GRAMD2B: variants seen among roughly 807,000 people sequenced by gnomAD.
The protein encoded by GRAMD2B is GRAM domain containing 2B, also known as GRAM domain-containing protein 2B.
Under a neutral mutation model 59.2 loss-of-function variants are expected in GRAMD2B, and 41 were observed. That is an observed-to-expected ratio of 0.69 (90% CI 0.54 to 0.90). The LOEUF (loss-of-function observed/expected upper bound fraction) is 0.90. Among genes scored for constraint, GRAMD2B ranks in the 40% least tolerant of loss-of-function variants. The probability of loss-of-function intolerance (pLI) is 0.00; values close to 1 mark genes in which losing one functional copy is unlikely to be tolerated. For missense variants in GRAMD2B, 424 were observed against 500.5 expected (o/e 0.85, Z 1.46); for synonymous variants, 161 against 182.7 (o/e 0.88, Z 0.96).
Position 126,423,818 on chromosome 5 carries a change from T to G in GRAMD2B, c.83+129T>G, listed in dbSNP as rs1174009494. On this transcript the variant is annotated intron_variant, in intron 1 of 13. Transcript: ENST00000285689. ...CTATATGGACAATCTTGTGGCGCGC[T>G]CTCTCTGTCTCTCACTCTCTCTCTC... 4 of 730,778 alleles carry G rather than the reference T, an allele frequency of 5.5e-6. No individual in the cohort carries two copies. In the South Asian group the frequency reaches 8.4e-5, roughly 15 times the overall value. 45.3% of individuals were successfully genotyped at this position (730,778 alleles called of 1,614,324 possible). A position where few individuals can be genotyped will look rare whatever the true frequency, so the allele number is the denominator to read the frequency against.
intron 1 of GRAMD2B, among the ~76,000 whole-genome samples, chr5:126,373,093 G>A (rs1754901977): frequency 6.6e-6 from 1 of 152,056 alleles, no homozygotes; most frequent in South Asian, 2.1e-4. Flanking sequence ...GCATATTTGA[G>A]TATTCAATAT....
At chr5:126,372,424 A>C (rs1269421532) in intron 1 of GRAMD2B, among the ~76,000 whole-genome samples, 1 of 152,140 alleles carries the variant, frequency 6.6e-6, no homozygotes, top group Non-Finnish European at 1.5e-5. Flanking sequence ...TTCTTTTTTA[A>C]ATGGTTTTAA....
Position 126,378,927 on chromosome 5 carries a change from G to A in GRAMD2B, c.125+7360G>A, listed in dbSNP as rs1027589914. Among the ~76,000 whole-genome samples, 7 of 151,836 alleles carry A rather than the reference G, an allele frequency of 4.6e-5. 1 individual carries two copies. Among genetic ancestry groups the A allele is most frequent in the South Asian group, 4.2e-4 (2 of 4,818 alleles). ...TGACTCACTTTTTTTATTTCAGTAC[G>A]TTTTTGGGAAACAGGTAGTGTTTGG... is the stretch of plus-strand genomic sequence containing the variant. On this transcript the variant is annotated intron_variant, in intron 1 of 8. Coordinates refer to the GRAMD2B transcript ENST00000506445.
intron 1 of GRAMD2B, among the ~76,000 whole-genome samples, chr5:126,380,711 TG>T: frequency 6.6e-6 from 1 of 152,216 alleles, no homozygotes; most frequent in East Asian, 1.9e-4. Context: ...TGGTCGCTGT[TG>T]GTATATAGCA....
intron 1 of GRAMD2B, among the ~76,000 whole-genome samples, chr5:126,376,367 A>G (rs1465964566): frequency 6.6e-6 from 1 of 152,192 alleles, no homozygotes; most frequent in South Asian, 2.1e-4. Context: ...TTGGTGTCCA[A>G]GGCAGCCCCA....
chr5:126,474,303 T>C (rs1770161461), intron 5 of GRAMD2B, among the ~76,000 whole-genome samples: 1 of 152,228 alleles, frequency 6.6e-6, no homozygotes, highest in African/African-American at 2.4e-5. Flanking sequence ...ATATTCTCTC[T>C]AAAACCACTG....
chr5:126,428,265 T>C (rs1337322482), intron 1 of GRAMD2B, among the ~76,000 whole-genome samples: 2 of 152,168 alleles, frequency 1.3e-5, no homozygotes, highest in Non-Finnish European at 1.5e-5. Context: ...GAAAGAATGA[T>C]GTATAACATG....
intron 1 of GRAMD2B, among the ~76,000 whole-genome samples, chr5:126,383,589 A>T (rs143397697): frequency 0.014 from 2,060 of 152,250 alleles, 27 homozygotes; most frequent in Admixed American, 0.026. Flanking sequence ...CATTACTTAG[A>T]TGAAGTAAGC....
chr5:126,362,690 T>C (rs1271722183), intron 1 of GRAMD2B, among the ~76,000 whole-genome samples: 1 of 152,198 alleles, frequency 6.6e-6, no homozygotes, highest in Non-Finnish European at 1.5e-5. Flanking sequence ...AACACTAACA[T>C]TTATGGTTAA....
At chr5:126,445,684 C>T (rs1224875962) in intron 1 of GRAMD2B, 1 of 152,192 alleles carries the variant, frequency 6.6e-6, no homozygotes, top group Non-Finnish European at 1.5e-5. Context: ...CAGCCTGAGG[C>T]ACAGACAGGA....
intron 1 of GRAMD2B, among the ~76,000 whole-genome samples, chr5:126,441,598 C>T (rs138082187): frequency 2.3e-4 from 35 of 152,310 alleles, no homozygotes; most frequent in African/African-American, 8.4e-4. Flanking sequence ...TTTATTTAGG[C>T]CATTTGATCA....
chr5:126,473,507 C>T (rs2126844739), intron 5 of GRAMD2B, 139 bp downstream of exon 5: 1 of 426,950 alleles, frequency 2.3e-6, no homozygotes, highest in Non-Finnish European at 4.2e-6. Context: ...TGTTGTAATT[C>T]CAAATACTAT....
intron 12 of GRAMD2B, 129 bp from the exon 13 acceptor site, chr5:126,488,670 T>C: frequency 1.6e-6 from 1 of 611,514 alleles, no homozygotes; most frequent in South Asian, 2.3e-5. Context: ...TTGTCTAATA[T>C]TAACAAATGA....
At chr5:126,423,228 C>T (rs1759943642), upstream of GRAMD2B, 3 of 1,062,050 alleles carry the variant, frequency 2.8e-6, no homozygotes, top group Admixed American at 1.2e-4. Context: ...GGAGGCTAAA[C>T]AGATTGTGCC....
At chr5:126,423,346 G>T, upstream of GRAMD2B, 10 of 1,315,958 alleles carry the variant, frequency 7.6e-6, no homozygotes, top group South Asian at 6.2e-5. Flanking sequence ...GGGGAAAGAG[G>T]CTGTCACTTC....
In GRAMD2B at chr5:126,460,211, A is replaced by G. The variant is rs1190837169; in HGVS notation, c.84-5215A>G. On this transcript the variant is annotated intron_variant, in intron 1 of 13. Coordinates refer to ENST00000285689, the MANE Select transcript of GRAMD2B (RefSeq NM_023927.4). ...AAAATGCACACGTTTACATACGCAC[A>G]GTCTCTCCCAGGAAGGACACACAAG... Among the ~76,000 whole-genome samples the G allele has an allele frequency of 2.0e-5, 3 of 152,236 alleles. No individual in the cohort carries two copies. In the South Asian group the frequency reaches 6.2e-4, roughly 32 times the overall value.
At chr5:126,450,971 C>A (rs966898937) in intron 1 of GRAMD2B, among the ~76,000 whole-genome samples, 8 of 152,242 alleles carry the variant, frequency 5.3e-5, no homozygotes, top group African/African-American at 1.7e-4. Flanking sequence ...GTTGTGCCCC[C>A]ACACAGAGTG....
chr5:126,493,937 T>C lies in GRAMD2B; in HGVS notation c.*981T>C, dbSNP rs1343508447. ...ATTTACCATATGGGTTGGCTGGTTT[T>C]TATTAATAATTGTTTAGGGTATCAT... On this transcript the variant is annotated 3_prime_UTR_variant, in exon 14 of 14. Coordinates refer to ENST00000285689, the MANE Select transcript of GRAMD2B (RefSeq NM_023927.4). The C allele has an allele frequency of 6.6e-6, 1 of 152,668 alleles. No individual in the cohort carries two copies. Among genetic ancestry groups the C allele is most frequent in the African/African-American group, 2.4e-5 (1 of 41,460 alleles). The allele number at this position is 152,668 out of a possible 1,614,324, so 9.5% of individuals were successfully genotyped here.
chr5:126,475,297 C>T (rs1014425120), intron 5 of GRAMD2B, among the ~76,000 whole-genome samples: 1 of 152,154 alleles, frequency 6.6e-6, no homozygotes, highest in Non-Finnish European at 1.5e-5. Flanking sequence ...ATTTTATACT[C>T]ATGAAGCAAT....
Sources: gnomAD v4.1 joint callset for allele counts (sites outside exome capture counted in the v4.1 genomes callset) on GRCh38, gnomAD v4.1.1 for gene constraint, MANE v1.5 for transcripts, NCBI Gene and HGNC (gene_info 2026-07-23, HGNC 2026-07-21) for gene names.